The following SNX4 variants were observed in gnomAD, a reference collection of about 807,000 sequenced individuals.
SNX4 encodes the protein sorting nexin-4.
Under a neutral mutation model 70.8 loss-of-function variants are expected in SNX4, and 49 were observed. That is an observed-to-expected ratio of 0.69 (90% CI 0.55 to 0.88). The LOEUF is 0.88. Among genes scored for constraint, SNX4 ranks in the 40% least tolerant of loss-of-function variants. SNX4 has a pLI of 0.00. For missense variants in SNX4, 528 were observed against 544.8 expected (o/e 0.97, Z 0.31); for synonymous variants, 206 against 183.8 (o/e 1.12, Z -0.98).
intron 2 of SNX4, among the ~76,000 whole-genome samples, chr3:125,500,668 G>A (rs1934906229): frequency 6.6e-6 from 1 of 151,736 alleles, no homozygotes; most frequent in African/African-American, 2.4e-5. Context: ...CAGGCGTGGT[G>A]TTGCGCGCCT....
At chr3:125,451,592 AACAG>A (rs766412666) in intron 12 of SNX4, among the ~76,000 whole-genome samples, 173 bp from the exon 13 acceptor site, 35 of 152,206 alleles carry the variant, frequency 2.3e-4, no homozygotes, top group Non-Finnish European at 1.6e-4. Context: ...GGAAAAAGCA[AACAG>A]ACAGTCATAT....
intron 5 of SNX4, among the ~76,000 whole-genome samples, chr3:125,493,420 G>C (rs557016630): frequency 6.6e-6 from 1 of 152,230 alleles, no homozygotes; most frequent in African/African-American, 2.4e-5. Context: ...TTGGGAGGCT[G>C]AGGCAGATGG....
chr3:125,469,518 C>A lies in SNX4; in HGVS notation c.790G>T (p.Glu264Ter), dbSNP rs531379537. The A allele has an allele frequency of 3.1e-6, 5 of 1,608,442 alleles. No individual in the cohort carries two copies. Among genetic ancestry groups the A allele is most frequent in the Non-Finnish European group, 4.3e-6 (5 of 1,174,876 alleles). ...ATTTCTTTTTCTATGGCACTCCATTCACTAGGGAGTAAAAGATAAAACCAA... is the reference window on the plus strand; with the variant it reads ...ATTTCTTTTTCTATGGCACTCCATTAACTAGGGAGTAAAAGATAAAACCAA... ...VHGNYGRVFSEWSAIEKEMGD... is the reference protein window; with the variant it reads ...VHGNYGRVFS The change falls in exon 9 of 14, where the codon GAA (glutamate) becomes TAA (stop). Residue 264 changes from glutamate to a stop codon, truncating the protein, a stop_gained and splice_region_variant. Coordinates refer to ENST00000251775, the MANE Select transcript of SNX4 (RefSeq NM_003794.4). LOFTEE classifies it high-confidence loss of function.
At chr3:125,447,876 A>T (rs767366741) in intron 13 of SNX4, 50 bp from the exon 14 acceptor site, 1 of 1,273,204 alleles carries the variant, frequency 7.9e-7, no homozygotes, top group Non-Finnish European at 1.1e-6. Context: ...AGGAATCTGA[A>T]AACCCAAGTA....
intron 2 of SNX4, among the ~76,000 whole-genome samples, chr3:125,500,695 G>A (rs1483582921): frequency 2.0e-5 from 3 of 150,884 alleles, no homozygotes; most frequent in South Asian, 2.1e-4. Flanking sequence ...CCAGCTACTC[G>A]GGAGGCTGAG....
At chr3:125,513,130 C>T (rs1269540176) in intron 1 of SNX4, among the ~76,000 whole-genome samples, 2 of 152,052 alleles carry the variant, frequency 1.3e-5, no homozygotes, top group African/African-American at 4.8e-5. Context: ...GGAGGTGGGG[C>T]CTTTGGAAAG....
chr3:125,502,217 G>A (rs922607632), intron 2 of SNX4, among the ~76,000 whole-genome samples: 11 of 152,090 alleles, frequency 7.2e-5, no homozygotes, highest in Non-Finnish European at 1.3e-4. Context: ...ACAGGGCCAT[G>A]ATCTTTAAAA....
At chr3:125,514,660 G>A (rs916081233) in intron 1 of SNX4, among the ~76,000 whole-genome samples, 2 of 152,108 alleles carry the variant, frequency 1.3e-5, no homozygotes, top group Non-Finnish European at 2.9e-5. Flanking sequence ...CCAAAGTGCT[G>A]GGATTACAGG....
In SNX4 at chr3:125,497,397, TG is replaced by T; in HGVS notation, c.550-10del. On this transcript the variant is annotated splice_polypyrimidine_tract_variant and intron_variant, in intron 4 of 13. Coordinates refer to ENST00000251775, the MANE Select transcript of SNX4 (RefSeq NM_003794.4). The stretch of plus-strand genomic sequence containing the variant: ...TCCTTCCAGTTACCTTCCTAAAAAT[TG>T]AAGTTAATTTTAGAAATCATTATTG... The T allele has an allele frequency of 1.3e-6, 2 of 1,571,592 alleles. No individual in the cohort carries two copies. The highest frequency in any genetic ancestry group is 1.8e-6 in the Non-Finnish European group (2 of 1,142,548).
Position 125,480,260 on chromosome 3 carries a change from A to G in SNX4, c.713T>C (p.Leu238Pro), listed in dbSNP as rs1276498948. The change falls in exon 7 of 14, where the codon CTT (leucine) becomes CCT (proline). Residue 238 changes from leucine (L) to proline (P), a missense_variant. Physicochemically the swap from Leu to Pro is moderately conservative, Grantham distance 98 (BLOSUM62 -3). Coordinates refer to ENST00000251775, the MANE Select transcript of SNX4 (RefSeq NM_003794.4). ...DELQSVISHL[L>P]RVRARVADRL... ...GGGACCACTTACAGCTCTGACTCGA[A>G]GAAGATGTGAGATGACAGACTGCAG... is the stretch of plus-strand genomic sequence containing the variant. The G allele has an allele frequency of 6.4e-7, 1 of 1,562,468 alleles. No homozygotes were observed. Among genetic ancestry groups the G allele is most frequent in the Non-Finnish European group, 8.7e-7 (1 of 1,151,146 alleles).
chr3:125,486,363 T>C (rs967490759), intron 6 of SNX4, among the ~76,000 whole-genome samples: 5 of 151,178 alleles, frequency 3.3e-5, no homozygotes, highest in Admixed American at 2.6e-4. Context: ...TTAAGTTACA[T>C]AGATTTTTTT....
intron 1 of SNX4, among the ~76,000 whole-genome samples, chr3:125,509,911 C>T (rs1460575281): frequency 6.6e-6 from 1 of 152,040 alleles, no homozygotes; most frequent in African/African-American, 2.4e-5. Flanking sequence ...GAAATACTGC[C>T]TCACACCTAT....
At chr3:125,495,246 C>A (rs1934757514) in intron 5 of SNX4, among the ~76,000 whole-genome samples, 1 of 22,600 alleles carries the variant, frequency 4.4e-5, no homozygotes, top group African/African-American at 8.8e-5. Context: ...CACTCATTCT[C>A]TCTTTATATA....
At chr3:125,463,499 T>C (rs917015218) in intron 9 of SNX4, among the ~76,000 whole-genome samples, 3 of 152,192 alleles carry the variant, frequency 2.0e-5, no homozygotes, top group African/African-American at 7.2e-5. Flanking sequence ...ACTGAAGGGA[T>C]AATCCTAAAT....
intron 5 of SNX4, among the ~76,000 whole-genome samples, chr3:125,489,922 T>C (rs1240540774): frequency 1.3e-5 from 2 of 151,966 alleles, no homozygotes; most frequent in African/African-American, 4.8e-5. Context: ...GGTCAGGAGT[T>C]TGAGACCAGC....
chr3:125,503,538 T>C (rs1934978090), intron 2 of SNX4, among the ~76,000 whole-genome samples: 1 of 152,214 alleles, frequency 6.6e-6, no homozygotes, highest in African/African-American at 2.4e-5. Flanking sequence ...CCTTTATTCT[T>C]AATTTACTCC....
At chr3:125,495,261 T>TATATATATATATATATATATAC (rs1337422465) in intron 5 of SNX4, among the ~76,000 whole-genome samples, 1 of 63,016 alleles carries the variant, frequency 1.6e-5, no homozygotes, top group Non-Finnish European at 3.3e-5. Context: ...TATATATATA[T>TATATATATATATATATATATAC]ATATATATAT....
chr3:125,454,687 T>C (rs1933664134), intron 11 of SNX4, among the ~76,000 whole-genome samples: 1 of 152,196 alleles, frequency 6.6e-6, no homozygotes, highest in Admixed American at 6.5e-5. Flanking sequence ...ACTACTGAAC[T>C]ATATACTTAA....
intron 1 of SNX4, among the ~76,000 whole-genome samples, chr3:125,505,656 G>C (rs1935029644): frequency 6.6e-6 from 1 of 152,130 alleles, no homozygotes; most frequent in African/African-American, 2.4e-5. Flanking sequence ...CAGACGAAGT[G>C]GTGGTCATTG....
Sources: allele counts gnomAD v4.1 joint callset (sites outside exome capture counted in the v4.1 genomes callset), GRCh38; gene constraint gnomAD v4.1.1; transcripts MANE v1.5; gene names NCBI Gene and HGNC (gene_info 2026-07-23, HGNC 2026-07-21).